Variants in GRIK2 observed in about 807,000 individuals in gnomAD.
GRIK2 encodes glutamate receptor ionotropic, kainate 2.
GRIK2 carries 32 observed loss-of-function variants against 100.3 expected under a neutral mutation model. The ratio of observed to expected loss-of-function variants is 0.32; its 90% CI spans 0.24 to 0.43. GRIK2 has a LOEUF of 0.43. Ranked by LOEUF, GRIK2 falls within the 20% of genes least tolerant of loss-of-function variation. The probability of loss-of-function intolerance (pLI) is 1.00; values close to 1 mark genes in which losing one functional copy is unlikely to be tolerated. For missense variants in GRIK2, 843 were observed against 1,114.9 expected, an observed-to-expected ratio of 0.76 and a Z score of 3.47; for synonymous variants, 417 against 389.4, an observed-to-expected ratio of 1.07 and a Z score of -0.83.
intron 7 of GRIK2, 115 bp from the exon 8 acceptor site, chr6:101,799,533 A>C (rs1203194444): frequency 1.1e-5 from 8 of 755,394 alleles, no homozygotes; most frequent in African/African-American, 1.0e-4. Flanking sequence ...TCTTTATACA[A>C]AGAAAAATGG....
chr6:101,936,057 T>TA (rs1253350618), intron 14 of GRIK2, among the ~76,000 whole-genome samples: 1 of 152,082 alleles, frequency 6.6e-6, no homozygotes, highest in African/African-American at 2.4e-5. Context: ...TTGAAGTTTA[T>TA]AGATAATCTT....
chr6:102,053,091 A>AACAACACACACAC (rs1554197943), intron 15 of GRIK2, among the ~76,000 whole-genome samples: 23 of 149,374 alleles, frequency 1.5e-4, no homozygotes, highest in African/African-American at 4.9e-4. Context: ...CAACAACAAC[A>AACAACACACACAC]ACACACACAC....
chr6:101,581,414 G>C (rs1778091987), intron 2 of GRIK2, among the ~76,000 whole-genome samples: 1 of 151,998 alleles, frequency 6.6e-6, no homozygotes, highest in Non-Finnish European at 1.5e-5. Context: ...TCCAGTCCAA[G>C]TCCCAAAGCT....
chr6:101,914,431 G>A (rs189865643), intron 12 of GRIK2, among the ~76,000 whole-genome samples: 126 of 151,572 alleles, frequency 8.3e-4, no homozygotes, highest in African/African-American at 2.9e-3. Context: ...AGTGAATTCA[G>A]CTATATAGAT....
chr6:102,027,733 T>A lies in GRIK2; in HGVS notation c.2086-7608T>A, dbSNP rs183727083. Among the ~76,000 whole-genome samples, 34 of 151,256 alleles carry A rather than the reference T, an allele frequency of 2.2e-4. No individual in the cohort carries two copies. In the East Asian group the frequency reaches 6.6e-3, roughly 29 times the overall value. On this transcript the variant is annotated intron_variant, in intron 14 of 16. Coordinates refer to ENST00000369134, the MANE Select transcript of GRIK2 (RefSeq NM_021956.5). Reference sequence around the variant, plus strand: ...TCTTATCACTTTTAGACAGTCAGGTTCATAAAAGCAAGTTCAATGAGCATA... The same window carrying A: ...TCTTATCACTTTTAGACAGTCAGGTACATAAAAGCAAGTTCAATGAGCATA...
At chr6:101,982,156 T>G (rs909262467) in intron 14 of GRIK2, among the ~76,000 whole-genome samples, 1 of 151,884 alleles carries the variant, frequency 6.6e-6, no homozygotes, top group African/African-American at 2.4e-5. Flanking sequence ...GTCATCAAAC[T>G]TCAGCAAATA....
chr6:101,983,818 T>C (rs1341404833), intron 14 of GRIK2, among the ~76,000 whole-genome samples: 3 of 151,758 alleles, frequency 2.0e-5, no homozygotes, highest in African/African-American at 7.2e-5. Context: ...ACTAGGTTTG[T>C]TGACTTTTTG....
chr6:101,540,662 T>C (rs2518300), intron 2 of GRIK2, among the ~76,000 whole-genome samples: 118,926 of 151,892 alleles, frequency 0.78, 47,039 homozygotes, highest in African/African-American at 0.89. Flanking sequence ...TTTGAATTGC[T>C]CACTAGTGGG....
chr6:102,005,782 A>G (rs1287313020), intron 14 of GRIK2, among the ~76,000 whole-genome samples: 1 of 152,086 alleles, frequency 6.6e-6, no homozygotes, highest in African/African-American at 2.4e-5. Context: ...CTATAACAGA[A>G]TATTATAGAT....
chr6:101,996,090 G>A (rs1312028393), intron 14 of GRIK2, among the ~76,000 whole-genome samples: 1 of 151,894 alleles, frequency 6.6e-6, no homozygotes, highest in African/African-American at 2.4e-5. Flanking sequence ...AAGTGTTATT[G>A]AAGATTCTCC....
intron 2 of GRIK2, among the ~76,000 whole-genome samples, chr6:101,444,459 G>A: frequency 6.6e-6 from 1 of 152,128 alleles, no homozygotes; most frequent in African/African-American, 2.4e-5. Flanking sequence ...TTTGTAAAAT[G>A]TATTAAAGTT....
At chr6:101,835,466 T>C in intron 10 of GRIK2, among the ~76,000 whole-genome samples, 1 of 72,956 alleles carries the variant, frequency 1.4e-5, no homozygotes, top group South Asian at 3.0e-4. Context: ...ATGAGTTCCT[T>C]TTTTTTTTTT....
chr6:101,770,491 G>A (rs1778332305), intron 7 of GRIK2, among the ~76,000 whole-genome samples: 1 of 152,114 alleles, frequency 6.6e-6, no homozygotes, highest in South Asian at 2.1e-4. Flanking sequence ...TTGTTGTAAT[G>A]AAAGTCTTTT....
At chr6:101,654,197 G>C (rs1781949230) in intron 4 of GRIK2, among the ~76,000 whole-genome samples, 1 of 152,086 alleles carries the variant, frequency 6.6e-6, no homozygotes, top group Non-Finnish European at 1.5e-5. Context: ...GTGGGGCTTA[G>C]AGTTCATCTG....
intron 2 of GRIK2, among the ~76,000 whole-genome samples, chr6:101,587,008 C>T (rs1481301413): frequency 6.6e-6 from 1 of 151,286 alleles, no homozygotes; most frequent in African/African-American, 2.4e-5. Flanking sequence ...GATTTAAACT[C>T]AATGGCAGCA....
chr6:101,932,661 C>G (rs528627486), intron 14 of GRIK2, among the ~76,000 whole-genome samples: 1 of 151,710 alleles, frequency 6.6e-6, no homozygotes, highest in South Asian at 2.1e-4. Flanking sequence ...TTTCCATACT[C>G]TACTGCACAG....
At chr6:101,651,453 A>G (rs545440752) in intron 4 of GRIK2, among the ~76,000 whole-genome samples, 80 of 152,266 alleles carry the variant, frequency 5.3e-4, no homozygotes, top group Middle Eastern at 3.4e-3. Context: ...TGGAGTTTAT[A>G]TTCTAGTGGA....
chr6:101,613,691 T>G (rs1779776704), intron 2 of GRIK2, among the ~76,000 whole-genome samples: 1 of 151,178 alleles, frequency 6.6e-6, no homozygotes, highest in Non-Finnish European at 1.5e-5. Flanking sequence ...CTGGCCACTC[T>G]CTCATAATTT....
chr6:101,398,820 T>C (rs1775120063), intron 1 of GRIK2, 165 bp from the exon 2 acceptor site: 2 of 391,340 alleles, frequency 5.1e-6, no homozygotes, highest in Non-Finnish European at 9.0e-6. Context: ...TCTCACTTAA[T>C]CTTGGCTTCA....
Sources: allele counts gnomAD v4.1 joint callset (sites outside exome capture counted in the v4.1 genomes callset), GRCh38; gene constraint gnomAD v4.1.1; transcripts MANE v1.5; gene names NCBI Gene and HGNC (gene_info 2026-07-23, HGNC 2026-07-21).